The following CTNNA2 variants were observed in gnomAD, a reference collection of about 807,000 sequenced individuals.
CTNNA2 encodes the protein catenin alpha 2.
A neutral mutation model predicts 101.0 loss-of-function variants in CTNNA2; 42 were observed. That is an observed-to-expected ratio of 0.42 (90% CI 0.32 to 0.54). The LOEUF (loss-of-function observed/expected upper bound fraction) is 0.54. Among genes scored for constraint, CTNNA2 ranks in the 20% least tolerant of loss-of-function variants. The pLI, the probability that CTNNA2 is intolerant of heterozygous loss-of-function variation, is 0.14. For missense variants in CTNNA2, 871 were observed against 1,223.1 expected (o/e 0.71, Z 4.29); for synonymous variants, 450 against 456.4 (o/e 0.99, Z 0.18).
intron 7 of CTNNA2, among the ~76,000 whole-genome samples, chr2:80,278,999 C>G (rs1463049187): frequency 4.1e-5 from 6 of 146,734 alleles, no homozygotes; most frequent in African/African-American, 1.3e-4. Context: ...ATGGATTATT[C>G]TATTGGAGAC....
At chr2:80,595,188 A>G (rs1696846782) in intron 15 of CTNNA2, among the ~76,000 whole-genome samples, 1 of 152,158 alleles carries the variant, frequency 6.6e-6, no homozygotes, top group Non-Finnish European at 1.5e-5. Context: ...AGTTTTCAGC[A>G]TGCAAGTCTT....
chr2:79,994,766 G>A (rs182799067), intron 7 of CTNNA2, among the ~76,000 whole-genome samples: 10 of 151,976 alleles, frequency 6.6e-5, no homozygotes, highest in Admixed American at 3.9e-4. Context: ...TTGGCACTCC[G>A]CATTTGCTCT....
chr2:80,551,743 C>T (rs1300869448), intron 11 of CTNNA2, among the ~76,000 whole-genome samples: 2 of 152,138 alleles, frequency 1.3e-5, no homozygotes, highest in Non-Finnish European at 2.9e-5. Context: ...CTATTTAGAC[C>T]ACTCAAACTT....
chr2:79,310,235 T>C (rs1252048984), intron 2 of CTNNA2, among the ~76,000 whole-genome samples: 1 of 152,212 alleles, frequency 6.6e-6, no homozygotes, highest in Non-Finnish European at 1.5e-5. Flanking sequence ...CTTCCAATAT[T>C]ATGCTTAAGA....
intron 2 of CTNNA2, among the ~76,000 whole-genome samples, chr2:79,283,119 A>T (rs1573025324): frequency 1.2e-5 from 1 of 83,246 alleles, no homozygotes; most frequent in African/African-American, 3.4e-5. Flanking sequence ...GTTTCTATCT[A>T]GTAAATTTGT....
chr2:80,321,012 A>G (rs1573708942), intron 7 of CTNNA2, among the ~76,000 whole-genome samples: 1 of 152,338 alleles, frequency 6.6e-6, no homozygotes, highest in East Asian at 1.9e-4. Context: ...TAGTGTGCCA[A>G]TATTAATGTT....
intron 3 of CTNNA2, among the ~76,000 whole-genome samples, chr2:79,773,012 G>C (rs1202061889): frequency 6.6e-6 from 1 of 152,144 alleles, no homozygotes; most frequent in East Asian, 1.9e-4. Flanking sequence ...GGGCTTGCTT[G>C]CTTAGGATTT....
intron 6 of CTNNA2, among the ~76,000 whole-genome samples, chr2:79,898,017 T>A (rs1460027207): frequency 6.6e-6 from 1 of 152,190 alleles, no homozygotes; most frequent in Non-Finnish European, 1.5e-5. Context: ...CTTAATATTA[T>A]CACCTTGGCA....
At chr2:80,510,924 A>G (rs2149551466) in intron 9 of CTNNA2, among the ~76,000 whole-genome samples, 1 of 152,036 alleles carries the variant, frequency 6.6e-6, no homozygotes, top group South Asian at 2.1e-4. Context: ...ACTCACAGTA[A>G]TGACTCTGCT....
intron 2 of CTNNA2, chr2:79,293,244 TA>T (rs1675875355): frequency 6.6e-6 from 1 of 152,166 alleles, no homozygotes; most frequent in Admixed American, 6.6e-5. Flanking sequence ...GGATTTTACC[TA>T]GAAGATGTGC....
intron 1 of CTNNA2, among the ~76,000 whole-genome samples, chr2:79,587,248 G>T (rs968013758): frequency 1.3e-5 from 2 of 152,056 alleles, no homozygotes; most frequent in Admixed American, 1.3e-4. Flanking sequence ...TCTTCACACT[G>T]TTTTTCAAAG....
intron 7 of CTNNA2, among the ~76,000 whole-genome samples, chr2:80,065,777 A>G (rs1036209175): frequency 6.6e-6 from 1 of 152,200 alleles, no homozygotes; most frequent in Admixed American, 6.5e-5. Flanking sequence ...AGCATCAGCT[A>G]TCATCATCTT....
intron 1 of CTNNA2, among the ~76,000 whole-genome samples, chr2:79,599,475 T>C (rs1284530688): frequency 1.3e-5 from 2 of 152,224 alleles, no homozygotes; most frequent in African/African-American, 4.8e-5. Context: ...TATTTTATTA[T>C]AGATTACCCT....
chr2:79,720,628 G>A (rs956656174), intron 2 of CTNNA2, among the ~76,000 whole-genome samples: 4 of 151,856 alleles, frequency 2.6e-5, no homozygotes, highest in Admixed American at 2.6e-4. Context: ...GTATTTTCAG[G>A]TATTTCATTT....
At chr2:79,313,359 A>G (rs1040563715) in intron 3 of CTNNA2, among the ~76,000 whole-genome samples, 1 of 152,210 alleles carries the variant, frequency 6.6e-6, no homozygotes, top group African/African-American at 2.4e-5. Flanking sequence ...GACCTATAAC[A>G]TTAATATTTA....
At chr2:80,262,966 ACAATAC>A (rs1558950908) in intron 7 of CTNNA2, among the ~76,000 whole-genome samples, 2 of 139,816 alleles carry the variant, frequency 1.4e-5, no homozygotes, top group Non-Finnish European at 3.2e-5. Context: ...AACAACAATA[ACAATAC>A]CTAATACAAA....
intron 1 of CTNNA2, among the ~76,000 whole-genome samples, chr2:79,545,947 T>A (rs1470177224): frequency 6.6e-6 from 1 of 152,162 alleles, no homozygotes; most frequent in African/African-American, 2.4e-5. Flanking sequence ...ATGAAGTAAG[T>A]ACTACTATTA....
At chr2:79,781,849 A>G (rs1306711165) in intron 3 of CTNNA2, among the ~76,000 whole-genome samples, 1 of 152,204 alleles carries the variant, frequency 6.6e-6, no homozygotes, top group African/African-American at 2.4e-5. Flanking sequence ...TACATTTCTC[A>G]AATTATGAGA....
At chr2:79,827,591 A>G (rs1286321554) in intron 3 of CTNNA2, among the ~76,000 whole-genome samples, 1 of 152,176 alleles carries the variant, frequency 6.6e-6, no homozygotes, top group African/African-American at 2.4e-5. Flanking sequence ...ACCTGAAGAG[A>G]CAGCTGCAGC....
Sources: gnomAD v4.1 joint callset for allele counts (sites outside exome capture counted in the v4.1 genomes callset) on GRCh38, gnomAD v4.1.1 for gene constraint, MANE v1.5 for transcripts, NCBI Gene and HGNC (gene_info 2026-07-23, HGNC 2026-07-21) for gene names.